The following LRRFIP1 variants were observed in gnomAD, a reference collection of about 807,000 sequenced individuals.
LRRFIP1 encodes the protein leucine-rich repeat flightless-interacting protein 1.
In LRRFIP1, 62 loss-of-function variants were observed where a neutral mutation model predicts 104.4. The ratio of observed to expected loss-of-function variants is 0.59; its 90% CI spans 0.48 to 0.73. The LOEUF (loss-of-function observed/expected upper bound fraction) is 0.73. Among genes scored for constraint, LRRFIP1 ranks in the 30% least tolerant of loss-of-function variants. The pLI, the probability that LRRFIP1 is intolerant of heterozygous loss-of-function variation, is 0.00. For missense variants in LRRFIP1, 796 were observed against 824.5 expected (o/e 0.97, Z 0.42); for synonymous variants, 300 against 299.0 (o/e 1.00, Z -0.03).
At chr2:237,681,306 C>T (rs971794908) in intron 1 of LRRFIP1, among the ~76,000 whole-genome samples, 2 of 152,166 alleles carry the variant, frequency 1.3e-5, no homozygotes, top group African/African-American at 2.4e-5. Context: ...GCAGAGCAGC[C>T]CTGTGTTTAT....
chr2:237,628,539 A>C (rs533276820), intron 1 of LRRFIP1, among the ~76,000 whole-genome samples: 1 of 152,218 alleles, frequency 6.6e-6, no homozygotes, highest in East Asian at 1.9e-4. Context: ...GGAAAAGGGG[A>C]GCCAATAGGT....
At chr2:237,714,123 G>A in intron 2 of LRRFIP1, 136 bp from the exon 3 acceptor site, 1 of 572,728 alleles carries the variant, frequency 1.7e-6, no homozygotes, top group Non-Finnish European at 3.1e-6. Context: ...GACCTCACCT[G>A]TTTTCTTATT....
rs926281129 is a variant in LRRFIP1 at position 237,711,564 on chromosome 2, A to G, written c.184-2695A>G. Among the ~76,000 whole-genome samples the G allele has an allele frequency of 1.3e-5, 2 of 152,168 alleles. No homozygotes were observed. Among genetic ancestry groups the G allele is most frequent in the Non-Finnish European group, 2.9e-5 (2 of 68,036 alleles). ...CGGCTTCCTCATCACCGATGCCTGCACTTCTTCCCTCACGACCGTGGCTTG... is the reference window on the plus strand; with the variant it reads ...CGGCTTCCTCATCACCGATGCCTGCGCTTCTTCCCTCACGACCGTGGCTTG... On this transcript the variant is annotated intron_variant, in intron 2 of 23. Transcript: ENST00000308482. This position sits in a 1 kb window ranked among gnomAD's most constrained non-coding sequence, Gnocchi z 4.4.
intron 1 of LRRFIP1, among the ~76,000 whole-genome samples, chr2:237,700,424 T>A (rs1402548779): frequency 6.6e-6 from 1 of 152,212 alleles, no homozygotes; most frequent in Non-Finnish European, 1.5e-5. Flanking sequence ...TTGAATTACA[T>A]CCTTAACACT....
chr2:237,639,005 T>A (rs2083503579), intron 1 of LRRFIP1, among the ~76,000 whole-genome samples: 1 of 152,246 alleles, frequency 6.6e-6, no homozygotes, highest in Admixed American at 6.5e-5. Flanking sequence ...AGTCTTCTTT[T>A]TTTTATCCGA....
At chr2:237,650,686 C>A (rs1217368157) in intron 1 of LRRFIP1, among the ~76,000 whole-genome samples, 1 of 152,204 alleles carries the variant, frequency 6.6e-6, no homozygotes, top group East Asian at 1.9e-4. Context: ...AAGAATGTTG[C>A]CAGACCAGAG....
At chr2:237,708,483 AC>A in intron 1 of LRRFIP1, 60 bp from the exon 2 acceptor site, 1 of 1,269,458 alleles carries the variant, frequency 7.9e-7, no homozygotes, top group Non-Finnish European at 1.1e-6. Context: ...ATCACTGCTG[AC>A]CCTGTACTGG....
chr2:237,674,361 T>C (rs2090822178), intron 1 of LRRFIP1, among the ~76,000 whole-genome samples: 1 of 152,238 alleles, frequency 6.6e-6, no homozygotes, highest in African/African-American at 2.4e-5. Flanking sequence ...TTTTCCTTCT[T>C]TTCTGTGGCA....
At chr2:237,672,174 A>G (rs1394009607) in intron 1 of LRRFIP1, among the ~76,000 whole-genome samples, 1 of 152,208 alleles carries the variant, frequency 6.6e-6, no homozygotes, top group Non-Finnish European at 1.5e-5. Context: ...TTTAAAATAT[A>G]TAATATTGCA....
At chr2:237,688,085 GATTTTTAGATTTCAGACATGTA>G (rs2149712194) in intron 1 of LRRFIP1, among the ~76,000 whole-genome samples, 1 of 152,336 alleles carries the variant, frequency 6.6e-6, no homozygotes, top group African/African-American at 2.4e-5. Context: ...TCTGAGAATG[GATTTTTAGATTTCAGACATGTA>G]ATTTTCATTG....
chr2:237,718,158 CT>C (rs2094411945), intron 4 of LRRFIP1, among the ~76,000 whole-genome samples: 1 of 152,274 alleles, frequency 6.6e-6, no homozygotes, highest in Non-Finnish European at 1.5e-5. Flanking sequence ...GCATGCGCCC[CT>C]GGCTTGAGAA....
intron 7 of LRRFIP1, among the ~76,000 whole-genome samples, chr2:237,724,911 A>G (rs1415225231): frequency 2.0e-5 from 3 of 152,066 alleles, no homozygotes; most frequent in African/African-American, 7.2e-5. Context: ...TCCATCTCTA[A>G]TGCCCTTTAC....
intron 3 of LRRFIP1, among the ~76,000 whole-genome samples, chr2:237,715,752 C>A (rs535994425): frequency 6.6e-6 from 1 of 152,330 alleles, no homozygotes; most frequent in African/African-American, 2.4e-5. Context: ...GAAAGTAGCG[C>A]GGCTCCTGCT....
At chr2:237,725,395 C>CT (rs2150242479) in intron 7 of LRRFIP1, among the ~76,000 whole-genome samples, 1 of 152,320 alleles carries the variant, frequency 6.6e-6, no homozygotes, top group South Asian at 2.1e-4. Flanking sequence ...AGAGACCCAA[C>CT]TTAAGATGAA....
intron 1 of LRRFIP1, among the ~76,000 whole-genome samples, chr2:237,666,739 C>T (rs906508885): frequency 7.8e-6 from 1 of 128,650 alleles, no homozygotes; most frequent in Non-Finnish European, 1.7e-5. Context: ...TTTGTTCTTT[C>T]GTTCTTTCAT....
At chr2:237,678,691 A>G (rs1248391837) in intron 1 of LRRFIP1, among the ~76,000 whole-genome samples, 1 of 151,854 alleles carries the variant, frequency 6.6e-6, no homozygotes, top group Non-Finnish European at 1.5e-5. Context: ...TTTTTTTAGT[A>G]GAGACAAGGT....
At chr2:237,710,038 A>C (rs750243533) in intron 2 of LRRFIP1, among the ~76,000 whole-genome samples, 1 of 151,292 alleles carries the variant, frequency 6.6e-6, no homozygotes, top group Non-Finnish European at 1.5e-5. Context: ...TTTTTAATAG[A>C]GACGGGGTTT....
intron 20 of LRRFIP1, among the ~76,000 whole-genome samples, chr2:237,771,549 A>C (rs1307381506): frequency 1.5e-4 from 12 of 78,196 alleles, no homozygotes; most frequent in African/African-American, 2.7e-4. Flanking sequence ...TCCTGGAACC[A>C]ATCCCCCCCC....
intron 1 of LRRFIP1, among the ~76,000 whole-genome samples, chr2:237,643,840 G>A (rs1281644509): frequency 2.0e-5 from 3 of 152,234 alleles, no homozygotes. Context: ...GAAAAGGCTT[G>A]TCAGAAATCG....
Sources: gnomAD v4.1 joint callset for allele counts (sites outside exome capture counted in the v4.1 genomes callset) on GRCh38, gnomAD v4.1.1 for gene constraint, Gnocchi (gnomAD v3.1) non-coding constraint, MANE v1.5 for transcripts, NCBI Gene and HGNC (gene_info 2026-07-23, HGNC 2026-07-21) for gene names.